The following C3orf20 variants were observed in gnomAD, a reference collection of about 807,000 sequenced individuals.
C3orf20 encodes family with sequence similarity 149 member C.
Under a neutral mutation model 88.3 loss-of-function variants are expected in C3orf20, and 76 were observed. The observed-to-expected ratio is 0.86, with a 90% CI of 0.72 to 1.04. The LOEUF (loss-of-function observed/expected upper bound fraction) is 1.04, where lower values mean the gene tolerates loss of function less well. C3orf20 is among the 50% of genes least tolerant of loss of function. The pLI, the probability that C3orf20 is intolerant of heterozygous loss-of-function variation, is 0.00. For missense variants in C3orf20, 1,056 were observed against 1,123.3 expected (o/e 0.94, Z 0.86); for synonymous variants, 436 against 437.4 (o/e 1.00, Z 0.04).
In C3orf20 at chr3:14,768,845, C is replaced by T. The variant is rs945031628; in HGVS notation, c.2496-3222C>T. Among the ~76,000 whole-genome samples the T allele has an allele frequency of 1.4e-4, 21 of 151,968 alleles. No homozygotes were observed. The highest frequency in any genetic ancestry group is 5.1e-4 in the African/African-American group (21 of 41,296). ...GCTTTGAAATTCCTGGAGGGACTGG[C>T]CTGTTGCAAAGCCCCCGATGGTCTT... On this transcript the variant is annotated intron_variant, in intron 15 of 16. Transcript: ENST00000253697. The surrounding 1 kb of genome is among the most constrained non-coding windows in gnomAD (Gnocchi z 4.1).
At chr3:14,760,090 G>C in intron 14 of C3orf20, 92 bp downstream of exon 14, 1 of 972,774 alleles carries the variant, frequency 1.0e-6, no homozygotes, top group Admixed American at 1.9e-5. Context: ...AGGAGGAGGA[G>C]AGAGGAGAAG....
intron 12 of C3orf20, among the ~76,000 whole-genome samples, 177 bp from the exon 13 acceptor site, chr3:14,757,194 A>T (rs2035398775): frequency 6.6e-6 from 1 of 152,216 alleles, no homozygotes; most frequent in African/African-American, 2.4e-5. Flanking sequence ...TGCACTGTGG[A>T]AAGAGGCCCA....
At chr3:14,719,469 A>C (rs964292568) in intron 9 of C3orf20, among the ~76,000 whole-genome samples, 3 of 152,366 alleles carry the variant, frequency 2.0e-5, no homozygotes, top group South Asian at 2.1e-4. Flanking sequence ...ATGACGGATT[A>C]TGTGTCTGGG....
chr3:14,743,342 G>T (rs975678309), intron 12 of C3orf20, among the ~76,000 whole-genome samples: 5 of 151,964 alleles, frequency 3.3e-5, no homozygotes, highest in African/African-American at 7.3e-5. Flanking sequence ...TTTGACTCCA[G>T]GTCTCACATT....
chr3:14,725,302 T>C (rs1475900898), intron 10 of C3orf20, among the ~76,000 whole-genome samples: 3 of 152,172 alleles, frequency 2.0e-5, no homozygotes, highest in South Asian at 4.1e-4. Flanking sequence ...GTGCCGAGTG[T>C]TGGGGCTCCT....
intron 10 of C3orf20, 167 bp downstream of exon 10, chr3:14,721,951 G>A (rs1203717716): frequency 1.3e-6 from 1 of 764,380 alleles, no homozygotes; most frequent in Admixed American, 3.0e-5. Flanking sequence ...CCACCTTCCT[G>A]TGAAACTTCT....
chr3:14,754,401 A>C (rs1043598586), intron 12 of C3orf20, among the ~76,000 whole-genome samples: 5 of 152,248 alleles, frequency 3.3e-5, no homozygotes, highest in African/African-American at 7.2e-5. Context: ...CCCCTCTGCT[A>C]CTAGCAAGGT....
At chr3:14,699,578 T>C (rs977213210) in intron 5 of C3orf20, among the ~76,000 whole-genome samples, 1 of 152,228 alleles carries the variant, frequency 6.6e-6, no homozygotes, top group Non-Finnish European at 1.5e-5. Flanking sequence ...GGGGGCCTCA[T>C]GACGCTAACT....
chr3:14,757,700 C>G, intron 13 of C3orf20, 26 bp downstream of exon 13: 3 of 1,595,276 alleles, frequency 1.9e-6, no homozygotes, highest in Non-Finnish European at 2.6e-6. Flanking sequence ...GTGAGGAGGC[C>G]CTGGAGGCCA....
At chr3:14,748,242 T>G (rs2035115126) in intron 12 of C3orf20, among the ~76,000 whole-genome samples, 1 of 152,146 alleles carries the variant, frequency 6.6e-6, no homozygotes, top group Admixed American at 6.5e-5. Context: ...TTAGATTATC[T>G]GATTTGTTGG....
intron 12 of C3orf20, among the ~76,000 whole-genome samples, chr3:14,754,205 A>G (rs571845290): frequency 2.0e-5 from 3 of 152,126 alleles, no homozygotes; most frequent in Non-Finnish European, 4.4e-5. Context: ...CCCTTGCACC[A>G]TGAGGCTGTC....
At chr3:14,770,983 T>C (rs894258971) in intron 15 of C3orf20, among the ~76,000 whole-genome samples, 1 of 152,244 alleles carries the variant, frequency 6.6e-6, no homozygotes, top group African/African-American at 2.4e-5. Context: ...TTGTGTTGGC[T>C]GGAGCTGCTG....
intron 1 of C3orf20, among the ~76,000 whole-genome samples, chr3:14,681,502 G>T (rs2032088985): frequency 6.6e-6 from 1 of 152,196 alleles, no homozygotes; most frequent in Admixed American, 6.5e-5. Flanking sequence ...TGTTGGAGTT[G>T]GGCAACAGGA....
chr3:14,710,342 G>GT (rs2124950459), intron 7 of C3orf20, among the ~76,000 whole-genome samples: 1 of 151,824 alleles, frequency 6.6e-6, no homozygotes, highest in Admixed American at 6.6e-5. Context: ...TCTCAATTCT[G>GT]TTTTTCTCCA....
In C3orf20 at chr3:14,759,982, T is replaced by C. The variant is rs1440690386; in HGVS notation, c.2336T>C (p.Val779Ala). 1 of 1,613,816 alleles carries C rather than the reference T, an allele frequency of 6.2e-7. No homozygotes were observed. Among genetic ancestry groups the C allele is most frequent in the African/African-American group, 1.3e-5 (1 of 74,914 alleles). The change falls in exon 14 of 17, where the codon GTG (valine) becomes GCG (alanine). Residue 779 changes from valine (V) to alanine (A), a missense_variant. Val to Ala is a moderately conservative substitution (Grantham distance 64). Coordinates refer to ENST00000253697, the MANE Select transcript of C3orf20 (RefSeq NM_032137.5). The stretch of plus-strand genomic sequence containing the variant: ...CTGATGGTGAAGAAGAACTCTGTGG[T>C]GCAGGGGATGATTCTGGTGAGCCAG... ...PPLMVKKNSV[V>A]QGMILMFAGG...
intron 12 of C3orf20, among the ~76,000 whole-genome samples, chr3:14,734,190 T>C (rs2034630442): frequency 6.6e-6 from 1 of 152,210 alleles, no homozygotes; most frequent in African/African-American, 2.4e-5. Context: ...GTTTGTCTTA[T>C]TACTTTATTA....
intron 10 of C3orf20, among the ~76,000 whole-genome samples, chr3:14,724,349 A>G (rs1355586052): frequency 6.6e-6 from 1 of 152,214 alleles, no homozygotes; most frequent in East Asian, 1.9e-4. Context: ...GAGAACCAAG[A>G]TACAAGCAAT....
intron 9 of C3orf20, among the ~76,000 whole-genome samples, chr3:14,721,015 A>G (rs562698548): frequency 3.9e-5 from 6 of 152,340 alleles, no homozygotes; most frequent in Non-Finnish European, 8.8e-5. Context: ...CCAAGCTCCA[A>G]TCTAGTACTG....
At chr3:14,753,460 A>G (rs1165761763) in intron 12 of C3orf20, among the ~76,000 whole-genome samples, 1 of 152,226 alleles carries the variant, frequency 6.6e-6, no homozygotes, top group African/African-American at 2.4e-5. Context: ...CACATTGTGC[A>G]CATGTACCCT....
Sources: allele counts gnomAD v4.1 joint callset (sites outside exome capture counted in the v4.1 genomes callset), GRCh38; gene constraint gnomAD v4.1.1; non-coding constraint Gnocchi (gnomAD v3.1); transcripts MANE v1.5; gene names NCBI Gene and HGNC (gene_info 2026-07-23, HGNC 2026-07-21).